The following SYNE2 variants were observed in gnomAD, a reference collection of about 807,000 sequenced individuals.
SYNE2 encodes nesprin-2.
In SYNE2, 431 loss-of-function variants were observed where a neutral mutation model predicts 856.3. The ratio of observed to expected loss-of-function variants is 0.50; its 90% CI spans 0.47 to 0.55. The LOEUF (loss-of-function observed/expected upper bound fraction) is 0.55. SYNE2 is among the 20% of genes least tolerant of loss of function. The pLI is 0.00. For synonymous variants in SYNE2, 2,923 were observed against 2,872.3 expected, an observed-to-expected ratio of 1.02 and a Z score of -0.56; for missense variants, 8,129 against 8,023.2, an observed-to-expected ratio of 1.01 and a Z score of -0.50.
In SYNE2 at chr14:64,002,733, C is replaced by T; in HGVS notation, c.3800C>T (p.Ser1267Phe). The change falls in exon 30 of 116, where the codon TCC becomes TTC. Residue 1267 changes from serine to phenylalanine, a missense_variant. Coordinates refer to ENST00000555002, the MANE Select transcript of SYNE2 (RefSeq NM_182914.3). ...TCTTTATTTTAGAATATCCAAGATT[C>T]CATAGCAAAACAGATTGAAATATGT... is the stretch of plus-strand genomic sequence containing the variant. ...IYQHLRNIQD[S>F]IAKQIEICNR... 6.2e-7 allele frequency: 1 copy of T among 1,612,248 alleles called. No homozygotes were observed. The highest frequency in any genetic ancestry group is 1.3e-5 in the African/African-American group (1 of 74,858).
At chr14:64,102,660 C>A (rs1025006223) in intron 64 of SYNE2, among the ~76,000 whole-genome samples, 2 of 151,712 alleles carry the variant, frequency 1.3e-5, no homozygotes, top group African/African-American at 2.4e-5. Flanking sequence ...AATTAGAACA[C>A]CTAAAATCTA....
chr14:63,983,403 G>T (rs540012808), intron 17 of SYNE2, among the ~76,000 whole-genome samples: 1 of 152,126 alleles, frequency 6.6e-6, no homozygotes, highest in East Asian at 1.9e-4. Flanking sequence ...TTACTGTAGA[G>T]CTTTCTAGTT....
At chr14:64,154,909 A>T (rs1367666859) in intron 85 of SYNE2, among the ~76,000 whole-genome samples, 2 of 152,224 alleles carry the variant, frequency 1.3e-5, no homozygotes, top group African/African-American at 4.8e-5. Context: ...CATCAAGGAA[A>T]TGAAAATCAA....
At chr14:64,059,846 G>T (rs2097302441) in intron 49 of SYNE2, among the ~76,000 whole-genome samples, 1 of 152,176 alleles carries the variant, frequency 6.6e-6, no homozygotes, top group Non-Finnish European at 1.5e-5. Context: ...GAATCTACCT[G>T]GTGCTGTGTG....
intron 33 of SYNE2, among the ~76,000 whole-genome samples, chr14:64,017,328 C>CAAAAAAAAAAAA (rs34399201): frequency 3.0e-5 from 2 of 66,580 alleles, no homozygotes; most frequent in African/African-American, 6.0e-5. Flanking sequence ...GACTCCATCT[C>CAAAAAAAAAAAA]AAAAAAAAAA....
Position 63,999,047 on chromosome 14 carries a change from AC to A in SYNE2, c.3480+9del, listed in dbSNP as rs754100176. 1.7e-4 allele frequency: 272 copies of A among 1,613,050 alleles called. No homozygotes were observed. Among genetic ancestry groups the A allele is most frequent in the Non-Finnish European group, 2.1e-4 (250 of 1,179,130 alleles). On this transcript the variant is annotated splice_region_variant and intron_variant, in intron 27 of 115. Transcript: ENST00000555002. ...TAAACTGACAGATCTACAGGTAATT[AC>A]CAAAAATATTATTTCTCTGATTATC...
intron 49 of SYNE2, among the ~76,000 whole-genome samples, chr14:64,060,881 T>C (rs969952444): frequency 7.2e-5 from 11 of 152,338 alleles, no homozygotes; most frequent in African/African-American, 2.4e-4. Flanking sequence ...TCATGGGTGC[T>C]GGCTGAGTTT....
At chr14:63,984,568 T>C (rs1191612075) in intron 18 of SYNE2, among the ~76,000 whole-genome samples, 4 of 152,236 alleles carry the variant, frequency 2.6e-5, no homozygotes, top group African/African-American at 9.6e-5. Context: ...TATTTCTTCC[T>C]TGTTTTGTTG....
intron 2 of SYNE2, among the ~76,000 whole-genome samples, chr14:63,912,835 T>C (rs933000509): frequency 6.6e-6 from 1 of 152,252 alleles, no homozygotes; most frequent in Non-Finnish European, 1.5e-5. Flanking sequence ...TTGCCGAAAT[T>C]CATAGAGCAG....
At chr14:63,841,320 G>T (rs190261870) in intron 1 of SYNE2, among the ~76,000 whole-genome samples, 6 of 152,310 alleles carry the variant, frequency 3.9e-5, no homozygotes, top group Non-Finnish European at 5.9e-5. Context: ...AAAGCAAAAG[G>T]CTGGATGTAT....
At chr14:64,173,873 A>C (rs982114785) in intron 94 of SYNE2, 2 of 653,956 alleles carry the variant, frequency 3.1e-6, no homozygotes, top group African/African-American at 3.7e-5. Context: ...TTGTATTATA[A>C]ATACCTAGTT....
At chr14:63,956,692 A>G (rs983078147) in intron 8 of SYNE2, among the ~76,000 whole-genome samples, 8 of 149,692 alleles carry the variant, frequency 5.3e-5, no homozygotes, top group South Asian at 2.1e-4. Flanking sequence ...AAATATTTGG[A>G]AAAAAAAAAG....
chr14:64,031,488 A>C, intron 45 of SYNE2, 131 bp downstream of exon 45: 2 of 816,662 alleles, frequency 2.4e-6, no homozygotes, highest in South Asian at 3.1e-5. Context: ...CTATTTATGA[A>C]GCCTACTTGT....
chr14:64,139,534 C>G (rs1286937762), intron 79 of SYNE2, among the ~76,000 whole-genome samples: 3 of 152,074 alleles, frequency 2.0e-5, no homozygotes, highest in African/African-American at 7.2e-5. Context: ...GCCTCAGCCT[C>G]CTGAGTAGCT....
At chr14:63,878,566 A>G (rs2094782083) in intron 1 of SYNE2, among the ~76,000 whole-genome samples, 1 of 87,558 alleles carries the variant, frequency 1.1e-5, no homozygotes, top group African/African-American at 3.6e-5. Flanking sequence ...TTTGTTTGAG[A>G]CAGAGTCTCA....
intron 1 of SYNE2, among the ~76,000 whole-genome samples, chr14:63,815,297 A>C (rs1227296273): frequency 4.9e-5 from 4 of 81,794 alleles, no homozygotes; most frequent in Non-Finnish European, 8.8e-5. Context: ...ACAGGATCAC[A>C]AGTTCCCATA....
At chr14:64,125,662 A>G (rs181462011) in intron 71 of SYNE2, among the ~76,000 whole-genome samples, 2 of 152,304 alleles carry the variant, frequency 1.3e-5, no homozygotes, top group East Asian at 3.9e-4. Flanking sequence ...ACTACTTATA[A>G]CTGTTCAAGA....
At chr14:63,960,628 C>A in intron 8 of SYNE2, 3 of 546,140 alleles carry the variant, frequency 5.5e-6, no homozygotes, top group Non-Finnish European at 1.0e-5. Context: ...TTCCAATAAT[C>A]TTCATTGCTT....
chr14:63,927,912 C>T (rs967102970), intron 2 of SYNE2, among the ~76,000 whole-genome samples: 13 of 152,010 alleles, frequency 8.6e-5, no homozygotes, highest in African/African-American at 2.9e-4. Flanking sequence ...ACATGCCTTT[C>T]GCCTTCTGCC....
Sources: allele counts gnomAD v4.1 joint callset (sites outside exome capture counted in the v4.1 genomes callset), GRCh38; gene constraint gnomAD v4.1.1; transcripts MANE v1.5; gene names NCBI Gene and HGNC (gene_info 2026-07-23, HGNC 2026-07-21).